Variants in CLCN5 observed in about 807,000 individuals in gnomAD.
CLCN5 encodes the protein H(+)/Cl(-) exchange transporter 5.
Under a neutral mutation model 54.0 loss-of-function variants are expected in CLCN5, and 17 were observed. The observed-to-expected ratio is 0.31, with a 90% CI of 0.22 to 0.47. CLCN5 has a LOEUF of 0.47. Among genes scored for constraint, CLCN5 ranks in the 20% least tolerant of loss-of-function variants. The pLI is 1.00. For synonymous variants in CLCN5, 222 were observed against 233.0 expected (o/e 0.95, Z 0.43); for missense variants, 448 against 646.7 (o/e 0.69, Z 3.33).
rs1388912878 is a variant in CLCN5, at chrX:50,086,028, C to A, written c.982C>A (p.Pro328Thr). 8.3e-7 allele frequency: 1 copy of A among 1,205,967 alleles called. No individual in the cohort carries two copies. The change falls in exon 10 of 15, where the codon CCT becomes ACT. Residue 328 changes from proline to threonine, a missense_variant. Physicochemically the swap from Pro to Thr is conservative, Grantham distance 38. Transcript: ENST00000376091. ...TGGTGTATCTGTAGCCTTTGGAGCACCTATAGGTGGAGTATTATTCAGCCT... is the reference window on the plus strand; with the variant it reads ...TGGTGTATCTGTAGCCTTTGGAGCAACTATAGGTGGAGTATTATTCAGCCT... ...AAGVSVAFGA[P>T]IGGVLFSLEE... is the part of the protein sequence containing the mutation.
chrX:50,092,794 A>T lies in CLCN5; in HGVS notation c.*575A>T, dbSNP rs782769114. On this transcript the variant is annotated 3_prime_UTR_variant, in exon 15 of 15. Coordinates refer to ENST00000376091, the MANE Select transcript of CLCN5 (RefSeq NM_001127898.4). ...AGCATTATTAGTTTGTTATGTGTGT[A>T]TGTTTATGTTAATTTTAATTTCTGA... 2.6e-5 allele frequency: 3 copies of T among 114,613 alleles called. No homozygotes were observed. The highest frequency in any genetic ancestry group is 9.0e-5 in the Admixed American group (1 of 11,067). 9.4% of individuals were successfully genotyped at this position (114,613 alleles called of 1,213,427 possible). A position where few individuals can be genotyped will look rare whatever the true frequency, so the allele number is the denominator to read the frequency against.
chrX:49,928,615 C>T (rs1304151513), intron 3 of CLCN5, among the ~76,000 whole-genome samples: 2 of 111,842 alleles, frequency 1.8e-5, no homozygotes, highest in Non-Finnish European at 3.8e-5. Flanking sequence ...GAAGTTTAGA[C>T]TTGAAAAGAT....
intron 3 of CLCN5, among the ~76,000 whole-genome samples, chrX:50,039,610 A>G (rs868950721): frequency 8.9e-5 from 10 of 112,312 alleles, no homozygotes; most frequent in Admixed American, 5.7e-4. Context: ...ATAAACTTCT[A>G]TGAGCCAGCA....
At chrX:50,077,227 T>C (rs1322773606) in intron 7 of CLCN5, among the ~76,000 whole-genome samples, 3 of 110,823 alleles carry the variant, frequency 2.7e-5, no homozygotes, top group East Asian at 5.7e-4. Context: ...GCATCTTGGC[T>C]TAGGTAAAGG....
At chrX:50,043,916 C>T (rs1157923777) in intron 4 of CLCN5, among the ~76,000 whole-genome samples, 1 of 111,607 alleles carries the variant, frequency 9.0e-6, no homozygotes, top group Non-Finnish European at 1.9e-5. Context: ...TAAAAGTAGA[C>T]AGAGGACAAG....
At chrX:49,928,956 C>G (rs1339880987) in intron 3 of CLCN5, among the ~76,000 whole-genome samples, 1 of 111,859 alleles carries the variant, frequency 8.9e-6, no homozygotes, top group Non-Finnish European at 1.9e-5. Flanking sequence ...AGCTCAATTC[C>G]TAGAGGTTAA....
At chrX:50,048,374 C>T (rs1466464680) in intron 4 of CLCN5, among the ~76,000 whole-genome samples, 1 of 112,551 alleles carries the variant, frequency 8.9e-6, no homozygotes, top group Non-Finnish European at 1.9e-5. Context: ...ATGGGGACCC[C>T]CTGGTTTAGC....
At chrX:49,977,606 T>G in intron 3 of CLCN5, among the ~76,000 whole-genome samples, 1 of 111,914 alleles carries the variant, frequency 8.9e-6, no homozygotes, top group Non-Finnish European at 1.9e-5. Flanking sequence ...ATTTCTCTTA[T>G]CAGACTAATA....
intron 7 of CLCN5, among the ~76,000 whole-genome samples, chrX:50,077,621 AGT>A (rs34262397): frequency 0.028 from 2,196 of 78,431 alleles, 35 homozygotes; most frequent in African/African-American, 0.048. Flanking sequence ...AGAGAGAGAG[AGT>A]GTGTGTGTGT....
At chrX:49,944,040 G>A (rs1450858766) in intron 3 of CLCN5, among the ~76,000 whole-genome samples, 2 of 111,827 alleles carry the variant, frequency 1.8e-5, no homozygotes, top group African/African-American at 3.3e-5. Flanking sequence ...CCATGAGCAT[G>A]GAATGTTCTT....
chrX:49,949,914 T>G (rs1275048472), intron 3 of CLCN5, among the ~76,000 whole-genome samples: 1 of 112,127 alleles, frequency 8.9e-6, no homozygotes, highest in African/African-American at 3.2e-5. Context: ...TGTCAAAAAT[T>G]GAATGATCTT....
At chrX:50,069,799 C>G (rs185390808) in intron 4 of CLCN5, 80 bp from the exon 5 acceptor site, 1 of 1,103,800 alleles carries the variant, frequency 9.1e-7, no homozygotes, top group Non-Finnish European at 1.2e-6. Context: ...TTTAAGGGCC[C>G]GCCTTTTGGA....
intron 3 of CLCN5, among the ~76,000 whole-genome samples, chrX:49,988,746 ACT>A (rs1241652467): frequency 8.9e-6 from 1 of 111,976 alleles, no homozygotes; most frequent in Non-Finnish European, 1.9e-5. Flanking sequence ...ACATAAAATT[ACT>A]CTGTCAAATT....
At chrX:50,057,255 G>A (rs1181632993) in intron 4 of CLCN5, among the ~76,000 whole-genome samples, 18 of 107,888 alleles carry the variant, frequency 1.7e-4, no homozygotes, top group African/African-American at 4.7e-4. Context: ...TTTATCTGTA[G>A]CTACTGAAGT....
intron 3 of CLCN5, among the ~76,000 whole-genome samples, chrX:50,036,383 C>G (rs191157433): frequency 2.7e-4 from 30 of 112,194 alleles, no homozygotes; most frequent in African/African-American, 9.7e-4. Context: ...CTTTATAACC[C>G]AAACAGTGAA....
chrX:49,928,997 T>A (rs781884630), intron 3 of CLCN5, among the ~76,000 whole-genome samples: 39 of 112,181 alleles, frequency 3.5e-4, no homozygotes, highest in Non-Finnish European at 6.8e-4. Context: ...CAGGTAGTAG[T>A]TGATCCTAGA....
At chrX:49,983,809 A>C (rs1928860367) in intron 3 of CLCN5, among the ~76,000 whole-genome samples, 1 of 109,851 alleles carries the variant, frequency 9.1e-6, no homozygotes, top group African/African-American at 3.3e-5. Context: ...GGAATGCAAT[A>C]GATTTTTGTG....
intron 1 of CLCN5, 34 bp from the exon 2 acceptor site, chrX:49,923,373 C>A (rs1925169785): frequency 8.8e-6 from 1 of 113,049 alleles, no homozygotes; most frequent in Admixed American, 9.3e-5. Flanking sequence ...TTTGCCTTTA[C>A]ATTGACGCAC....
intron 3 of CLCN5, among the ~76,000 whole-genome samples, chrX:49,938,388 ATAC>A (rs1347926448): frequency 8.9e-6 from 1 of 111,848 alleles, no homozygotes; most frequent in Non-Finnish European, 1.9e-5. Flanking sequence ...ACTTCAAACT[ATAC>A]TACAAGGCTA....
Sources: gnomAD v4.1 joint callset for allele counts (sites outside exome capture counted in the v4.1 genomes callset) on GRCh38, gnomAD v4.1.1 for gene constraint, MANE v1.5 for transcripts, NCBI Gene and HGNC (gene_info 2026-07-23, HGNC 2026-07-21) for gene names.